The following C1QTNF6 variants were observed in gnomAD, a reference collection of about 807,000 sequenced individuals.
C1QTNF6 encodes the protein C1q and TNF related 6.
In C1QTNF6, 17 loss-of-function variants were observed where a neutral mutation model predicts 20.7. The observed-to-expected ratio is 0.82, with a 90% CI of 0.56 to 1.23. C1QTNF6 has a LOEUF of 1.23. Ranked by LOEUF, C1QTNF6 falls within the 50% of genes most tolerant of loss-of-function variation. The pLI is 0.00. For synonymous variants in C1QTNF6, 130 were observed against 156.3 expected (o/e 0.83, Z 1.25); for missense variants, 329 against 389.7 (o/e 0.84, Z 1.31).
chr22:37,185,167 A>T (rs200288726), intron 2 of C1QTNF6, 51 bp downstream of exon 2: 95 of 1,504,712 alleles, frequency 6.3e-5, no homozygotes, highest in Admixed American at 1.1e-4. Context: ...CCTCCACCTC[A>T]GCTCCCTGGC....
chr22:37,188,319 G>C, upstream of C1QTNF6: 1 of 1,011,454 alleles, frequency 9.9e-7, no homozygotes, highest in Non-Finnish European at 1.4e-6. Context: ...GAGAGAGGGC[G>C]GAGGGAGGGC....
Position 37,184,634 on chromosome 22 carries a change from T to TC in C1QTNF6, c.289+583dup, listed in dbSNP as rs1054998836. ...TGCTCTCCACATGACATTAGAGGGA[T>TC]CCATTTGAAACCTGGGTGGGATCAA... On this transcript the variant is annotated intron_variant, in intron 2 of 2. Transcript: ENST00000337843. The surrounding 1 kb of genome is among the most constrained non-coding windows in gnomAD (Gnocchi z 4.0). Among the ~76,000 whole-genome samples, 7 of 151,938 alleles carry TC rather than the reference T, an allele frequency of 4.6e-5. No individual in the cohort carries two copies. Among genetic ancestry groups the TC allele is most frequent in the African/African-American group, 1.7e-4 (7 of 41,348 alleles).
intron 1 of C1QTNF6, among the ~76,000 whole-genome samples, chr22:37,186,447 G>C (rs1445845997): frequency 1.3e-5 from 2 of 152,208 alleles, no homozygotes; most frequent in Admixed American, 6.5e-5. Context: ...GTCAATCATC[G>C]TAGACCTGCC....
intron 1 of C1QTNF6, 121 bp from the exon 2 acceptor site, chr22:37,185,576 A>T (rs1924253788): frequency 7.2e-7 from 1 of 1,392,774 alleles, no homozygotes; most frequent in Admixed American, 3.2e-5. Context: ...CTCCAGAGGG[A>T]AGGTTATTGT....
chr22:37,183,046 T>C, intron 2 of C1QTNF6: 1 of 611,430 alleles, frequency 1.6e-6, no homozygotes, highest in Non-Finnish European at 2.0e-6. Context: ...GCAGGGAGGG[T>C]CCGACTGGTG....
intron 2 of C1QTNF6, among the ~76,000 whole-genome samples, chr22:37,194,506 T>C (rs1367403328): frequency 6.6e-6 from 1 of 152,190 alleles, no homozygotes; most frequent in African/African-American, 2.4e-5. Flanking sequence ...GGTTTCTGGG[T>C]TCCCTTTCTC....
In C1QTNF6 at chr22:37,194,654, T is replaced by C. The variant is rs73411012; in HGVS notation, n.224+727A>G. On this transcript the variant is annotated intron_variant and non_coding_transcript_variant, in intron 2 of 4. Transcript: ENST00000467564. ...TTTTGTAAGATGCTGTCCAACAGGC[T>C]GCATGGGGAAACCAAATTAACATTT... Among the ~76,000 whole-genome samples, 757 of 152,336 alleles carry C rather than the reference T, an allele frequency of 5.0e-3. 6 individuals carry two copies. Among genetic ancestry groups the C allele is most frequent in the African/African-American group, 0.017 (718 of 41,564 alleles).
chr22:37,198,612 T>C (rs868169529), upstream of C1QTNF6, among the ~76,000 whole-genome samples: 1 of 152,102 alleles, frequency 6.6e-6, no homozygotes, highest in Non-Finnish European at 1.5e-5. Flanking sequence ...GAGATCAATT[T>C]CAACAAAGGA....
At chr22:37,193,965 T>C (rs960026020) in intron 2 of C1QTNF6, among the ~76,000 whole-genome samples, 8 of 152,198 alleles carry the variant, frequency 5.3e-5, no homozygotes, top group Admixed American at 2.6e-4. Flanking sequence ...CAGTTTCTGT[T>C]TTCCTTCCTG....
Position 37,182,332 on chromosome 22 carries a change from G to T in C1QTNF6, c.693C>A (p.Ser231Arg). The stretch of plus-strand genomic sequence containing the variant: ...AGGCCAGGTCCAGCATCACACTCTG[G>T]CTCTGCATGATGCTGCGCTCGCTGG... ...AQPSERSIMQ[S>R]QSVMLDLAYG... is the part of the protein sequence containing the mutation. Residue 231 changes from serine (S) to arginine (R), a missense_variant, in exon 3 of 3, where the codon AGC becomes AGA. Physicochemically the swap from Ser to Arg is moderately radical, Grantham distance 110. Coordinates refer to ENST00000337843, the MANE Select transcript of C1QTNF6 (RefSeq NM_031910.4). 1 of 1,614,212 alleles carries T rather than the reference G, an allele frequency of 6.2e-7. No individual in the cohort carries two copies.
At position 37,180,979 on chromosome 22, in the gene C1QTNF6, C is replaced by A. The variant is rs1923715152; in HGVS notation, c.*1209G>T. 6.6e-6 allele frequency: 1 copy of A among 152,358 alleles called. No individual in the cohort carries two copies. The highest frequency in any genetic ancestry group is 1.5e-5 in the Non-Finnish European group (1 of 68,170). The allele number at this position is 152,358 out of a possible 1,614,324, so 9.4% of individuals were successfully genotyped here. A position where few individuals can be genotyped will look rare whatever the true frequency, so the allele number is the denominator to read the frequency against. On this transcript the variant is annotated 3_prime_UTR_variant, in exon 3 of 3. Coordinates refer to ENST00000337843, the MANE Select transcript of C1QTNF6 (RefSeq NM_031910.4). Reference sequence around the variant, plus strand: ...ACAGAACCCTTGACCTGGCCAAGGCCCCCTGGGGTTTGCTGTAACGATGAG... The same window carrying A: ...ACAGAACCCTTGACCTGGCCAAGGCACCCTGGGGTTTGCTGTAACGATGAG...
At position 37,194,116 on chromosome 22, in the gene C1QTNF6, A is replaced by G. The variant is rs373132533; in HGVS notation, n.224+1265T>C. Among the ~76,000 whole-genome samples the G allele has an allele frequency of 1.2e-4, 16 of 130,484 alleles. No homozygotes were observed. In the East Asian group the frequency reaches 3.8e-3, roughly 31 times the overall value. 85.6% of individuals were successfully genotyped at this position (130,484 alleles called of 152,430 possible). ...GAGAAAGTACTCCCACACGGTCACA[A>G]GGTTAAACTTGCAAGGACGTAAAAA... On this transcript the variant is annotated intron_variant and non_coding_transcript_variant, in intron 2 of 4. Coordinates refer to the C1QTNF6 transcript ENST00000467564.
In C1QTNF6 at chr22:37,188,163, C is replaced by T; in HGVS notation, c.51G>A (p.Arg17=). The T allele has an allele frequency of 6.2e-7, 1 of 1,609,892 alleles. No individual in the cohort carries two copies. The highest frequency in any genetic ancestry group is 1.1e-5 in the South Asian group (1 of 90,412). ...RESPGEATGH[R]VTMGTAALGP... ...GCTTGAGGAGCCTCTGGTCACTCAC[C>T]CTGTGTCCTGTGGCCTCCCCAGGCG... Residue 17 remains arginine, a splice_region_variant and synonymous_variant, in exon 1 of 3, where the codon AGG becomes AGA. Transcript: ENST00000337843.
chr22:37,190,382 A>C (rs1924737744), upstream of C1QTNF6, among the ~76,000 whole-genome samples: 2 of 152,350 alleles, frequency 1.3e-5, no homozygotes, highest in African/African-American at 4.8e-5. Context: ...CTTTGAGCCC[A>C]GCCATGGATT....
At chr22:37,188,334 G>C, upstream of C1QTNF6, 7 of 804,470 alleles carry the variant, frequency 8.7e-6, 1 homozygote, top group South Asian at 1.5e-4. Context: ...GAGGGCGGAG[G>C]GAGAGGGCAG....
rs959296775 is a variant in C1QTNF6, at chr22:37,180,740, C to G, written c.*1448G>C. The G allele has an allele frequency of 1.3e-4, 20 of 153,294 alleles. No homozygotes were observed. The highest frequency in any genetic ancestry group is 4.6e-4 in the African/African-American group (19 of 41,444). The allele number at this position is 153,294 out of a possible 1,614,324, so 9.5% of individuals were successfully genotyped here. Reference sequence around the variant, plus strand: ...TCAGTGTCTGAGGGCAGCTGGAGGCCCTGGGGAAACGGAAGTTCAGATGAC... The same window carrying G: ...TCAGTGTCTGAGGGCAGCTGGAGGCGCTGGGGAAACGGAAGTTCAGATGAC... On this transcript the variant is annotated 3_prime_UTR_variant, in exon 3 of 3. Coordinates refer to ENST00000337843, the MANE Select transcript of C1QTNF6 (RefSeq NM_031910.4).
At chr22:37,182,953 C>G in intron 2 of C1QTNF6, 1 of 1,421,644 alleles carries the variant, frequency 7.0e-7, no homozygotes, top group Non-Finnish European at 9.2e-7. Flanking sequence ...AGTGACTCAC[C>G]CCGGGCCACA....
At chr22:37,188,250 CTTG>C (rs1463489139), upstream of C1QTNF6, 1 of 1,549,630 alleles carries the variant, frequency 6.5e-7, no homozygotes, top group South Asian at 1.1e-5. Context: ...GCAATACTAA[CTTG>C]TTGCTGGCCC....
At position 37,182,167 on chromosome 22, in the gene C1QTNF6, G is replaced by A. The variant is rs143998904; in HGVS notation, c.*21C>T. ...GGACCAGCACCTGAGCTCTCCAGCC[G>A]GGAGGGTGGCCCAGAGGCCCTCAGT... is the stretch of plus-strand genomic sequence containing the variant. On this transcript the variant is annotated 3_prime_UTR_variant, in exon 3 of 3. Transcript: ENST00000337843. The A allele has an allele frequency of 3.5e-3, 5,531 of 1,593,094 alleles. 14 individuals are homozygous for A. The highest frequency in any genetic ancestry group is 4.3e-3 in the Non-Finnish European group (5,047 of 1,168,174).
Sources: allele counts gnomAD v4.1 joint callset (sites outside exome capture counted in the v4.1 genomes callset), GRCh38; gene constraint gnomAD v4.1.1; non-coding constraint Gnocchi (gnomAD v3.1); transcripts MANE v1.5; gene names NCBI Gene and HGNC (gene_info 2026-07-23, HGNC 2026-07-21).